The following KIRREL3 variants were observed in gnomAD, a reference collection of about 807,000 sequenced individuals.
KIRREL3 encodes the protein kirre like nephrin family adhesion molecule 3, also known as kin of IRRE-like protein 3.
KIRREL3 carries 36 observed loss-of-function variants against 89.7 expected under a neutral mutation model. The observed-to-expected ratio is 0.40, with a 90% CI of 0.31 to 0.53. KIRREL3 has a LOEUF of 0.53. Among genes scored for constraint, KIRREL3 ranks in the 20% least tolerant of loss-of-function variants. The pLI is 0.49. For synonymous variants in KIRREL3, 445 were observed against 441.4 expected (o/e 1.01, Z -0.10); for missense variants, 864 against 1,056.6 (o/e 0.82, Z 2.53).
In KIRREL3 at chr11:126,430,247, C is replaced by G. The variant is rs1157771412; in HGVS notation, c.1697-959G>C. ...ACCACTTGAGGCCAGGAGTTCGAGACCAGCCTGGGCAACATGGTGAAATCC... is the reference window on the plus strand; with the variant it reads ...ACCACTTGAGGCCAGGAGTTCGAGAGCAGCCTGGGCAACATGGTGAAATCC... On this transcript the variant is annotated intron_variant, in intron 14 of 16. Transcript: ENST00000525144. This position sits in a 1 kb window ranked among gnomAD's most constrained non-coding sequence, Gnocchi z 6.6. Among the ~76,000 whole-genome samples the G allele has an allele frequency of 6.6e-6, 1 of 152,010 alleles. No individual in the cohort carries two copies. Among genetic ancestry groups the G allele is most frequent in the East Asian group, 1.9e-4 (1 of 5,180 alleles).
rs572815543 is a variant in KIRREL3, at chr11:126,614,888, G to A, written c.56-51976C>T. Among the ~76,000 whole-genome samples, 6 of 152,256 alleles carry A rather than the reference G, an allele frequency of 3.9e-5. No individual in the cohort carries two copies. The South Asian group carries it at 1.2e-3, about 32-fold the overall frequency. ...GTGCTGAGAAGATGGATGAGCTGGG[G>A]CCGGTAAAATAGCTTTGTTCCTTGG... is the stretch of plus-strand genomic sequence containing the variant. On this transcript the variant is annotated intron_variant, in intron 1 of 16. Transcript: ENST00000525144. The surrounding 1 kb of genome is among the most constrained non-coding windows in gnomAD (Gnocchi z 4.6).
chr11:126,807,243 T>C lies in KIRREL3; in HGVS notation c.55+193212A>G, dbSNP rs1468290859. On this transcript the variant is annotated intron_variant, in intron 1 of 16. Transcript: ENST00000525144. This position sits in a 1 kb window ranked among gnomAD's most constrained non-coding sequence, Gnocchi z 4.3. The stretch of plus-strand genomic sequence containing the variant: ...TCTGACTCCCACTGATAAAATCCTA[T>C]ACTTCTAACAAAGAAATGTCATCTG... Among the ~76,000 whole-genome samples the C allele has an allele frequency of 6.6e-6, 1 of 152,212 alleles. No individual in the cohort carries two copies. The highest frequency in any genetic ancestry group is 1.5e-5 in the Non-Finnish European group (1 of 68,046).
chr11:126,627,577 C>T lies in KIRREL3; in HGVS notation c.56-64665G>A, dbSNP rs137993056. ...CCAGCTGCCATGTGGCCGATGTGTCCTACCGTGGTACATCATCTCCTAATT... is the reference window on the plus strand; with the variant it reads ...CCAGCTGCCATGTGGCCGATGTGTCTTACCGTGGTACATCATCTCCTAATT... On this transcript the variant is annotated intron_variant, in intron 1 of 16. Coordinates refer to ENST00000525144, the MANE Select transcript of KIRREL3 (RefSeq NM_032531.4). This position sits in a 1 kb window ranked among gnomAD's most constrained non-coding sequence, Gnocchi z 5.0. Among the ~76,000 whole-genome samples, 661 of 152,330 alleles carry T rather than the reference C, an allele frequency of 4.3e-3. 5 individuals are homozygous for T. The highest frequency in any genetic ancestry group is 0.015 in the African/African-American group (642 of 41,576).
Position 126,430,605 on chromosome 11 carries a change from C to T in KIRREL3, c.1696+814G>A, listed in dbSNP as rs768063353. ...TGCTTAGCTCGGAGTGCAGAAAATG[C>T]AAGGGGAACAGCTTTCTTCAAACAT... On this transcript the variant is annotated intron_variant, in intron 14 of 16. Coordinates refer to ENST00000525144, the MANE Select transcript of KIRREL3 (RefSeq NM_032531.4). The surrounding 1 kb of genome is among the most constrained non-coding windows in gnomAD (Gnocchi z 6.6). Among the ~76,000 whole-genome samples the T allele has an allele frequency of 2.0e-5, 3 of 152,134 alleles. No individual in the cohort carries two copies. The highest frequency in any genetic ancestry group is 2.9e-5 in the Non-Finnish European group (2 of 68,030).
Position 126,520,338 on chromosome 11 carries a change from C to T in KIRREL3, c.433+977G>A, listed in dbSNP as rs777729903. ...TGGCACAGACTCACGTGTAAGGGGGCAGCGAGGTGGGGCAGGTAGCCCTGG... is the reference window on the plus strand; with the variant it reads ...TGGCACAGACTCACGTGTAAGGGGGTAGCGAGGTGGGGCAGGTAGCCCTGG... On this transcript the variant is annotated intron_variant, in intron 4 of 16. Coordinates refer to ENST00000525144, the MANE Select transcript of KIRREL3 (RefSeq NM_032531.4). The surrounding 1 kb of genome is among the most constrained non-coding windows in gnomAD (Gnocchi z 4.9). Among the ~76,000 whole-genome samples, 3 of 152,160 alleles carry T rather than the reference C, an allele frequency of 2.0e-5. No individual in the cohort carries two copies. Among genetic ancestry groups the T allele is most frequent in the South Asian group, 2.1e-4 (1 of 4,828 alleles).
At position 126,428,055 on chromosome 11, in the gene KIRREL3, C is replaced by T. The variant is rs781496602; in HGVS notation, c.1806+1124G>A. Among the ~76,000 whole-genome samples, 1 of 152,138 alleles carries T rather than the reference C, an allele frequency of 6.6e-6. No individual in the cohort carries two copies. Among genetic ancestry groups the T allele is most frequent in the Non-Finnish European group, 1.5e-5 (1 of 68,034 alleles). ...GGCCTGTGTAAGGCTCCGAAGACCC[C>T]GGGATGAACACAGCAGCAGCTGCTC... is the stretch of plus-strand genomic sequence containing the variant. On this transcript the variant is annotated intron_variant, in intron 15 of 16. Coordinates refer to ENST00000525144, the MANE Select transcript of KIRREL3 (RefSeq NM_032531.4). This position sits in a 1 kb window ranked among gnomAD's most constrained non-coding sequence, Gnocchi z 6.4.
In KIRREL3 at chr11:126,535,498, C is replaced by T. The variant is rs887333440; in HGVS notation, c.134-8811G>A. 6.6e-6 allele frequency among the ~76,000 whole-genome samples: 1 copy of T among 152,098 alleles called. No individual in the cohort carries two copies. The highest frequency in any genetic ancestry group is 1.5e-5 in the Non-Finnish European group (1 of 68,028). On this transcript the variant is annotated intron_variant, in intron 2 of 16. Transcript: ENST00000525144. The surrounding 1 kb of genome is among the most constrained non-coding windows in gnomAD (Gnocchi z 4.5). ...TCCTGAGGGGGAAGAGTCATTTTGCCATGGAAGGCGCAGATTACAAGGGCC... is the reference window on the plus strand; with the variant it reads ...TCCTGAGGGGGAAGAGTCATTTTGCTATGGAAGGCGCAGATTACAAGGGCC...
chr11:126,585,851 C>T (rs1941822723), intron 1 of KIRREL3, among the ~76,000 whole-genome samples: 1 of 152,256 alleles, frequency 6.6e-6, no homozygotes, highest in Non-Finnish European at 1.5e-5. Flanking sequence ...ATCTGTGTGT[C>T]TTAAAGCTCC....
chr11:126,706,005 A>G (rs1387607158), intron 1 of KIRREL3, among the ~76,000 whole-genome samples: 1 of 152,232 alleles, frequency 6.6e-6, no homozygotes, highest in Non-Finnish European at 1.5e-5. Context: ...GGCCAAAAAC[A>G]TAAGTCAAGC....
Position 126,684,506 on chromosome 11 carries a change from A to G in KIRREL3, c.56-121594T>C, listed in dbSNP as rs1280404035. Among the ~76,000 whole-genome samples the G allele has an allele frequency of 1.3e-5, 2 of 152,224 alleles. No individual in the cohort carries two copies. The highest frequency in any genetic ancestry group is 2.9e-5 in the Non-Finnish European group (2 of 68,040). On this transcript the variant is annotated intron_variant, in intron 1 of 16. Coordinates refer to ENST00000525144, the MANE Select transcript of KIRREL3 (RefSeq NM_032531.4). This position sits in a 1 kb window ranked among gnomAD's most constrained non-coding sequence, Gnocchi z 4.2. ...TGTTAGGGAAACCACAGGTGTCCACAATGCCTGCCATGCTATGATTTCATC... is the reference window on the plus strand; with the variant it reads ...TGTTAGGGAAACCACAGGTGTCCACGATGCCTGCCATGCTATGATTTCATC...
chr11:126,792,260 T>C (rs992188083), intron 1 of KIRREL3, among the ~76,000 whole-genome samples: 3 of 152,226 alleles, frequency 2.0e-5, no homozygotes, highest in Admixed American at 2.0e-4. Flanking sequence ...CACCTCACAG[T>C]GTTGTTGTAA....
chr11:126,944,178 C>T (rs1948548289), intron 1 of KIRREL3: 1 of 152,204 alleles, frequency 6.6e-6, no homozygotes, highest in Non-Finnish European at 1.5e-5. Context: ...TATATCTCTC[C>T]ACCACTGTCC....
intron 2 of KIRREL3, among the ~76,000 whole-genome samples, chr11:126,529,171 T>C (rs1248467027): frequency 2.6e-5 from 4 of 151,658 alleles, no homozygotes; most frequent in African/African-American, 4.9e-5. Flanking sequence ...GCGCGGGAGG[T>C]ACTGGGTGAG....
chr11:126,487,577 G>T (rs569310600), intron 4 of KIRREL3, among the ~76,000 whole-genome samples: 4 of 152,162 alleles, frequency 2.6e-5, no homozygotes, highest in African/African-American at 4.8e-5. Flanking sequence ...ATCCTTTTCC[G>T]ACCTGAGCCT....
At chr11:126,863,424 T>TGCGTGAGTGC (rs1944781675) in intron 1 of KIRREL3, among the ~76,000 whole-genome samples, 14 of 7,232 alleles carry the variant, frequency 1.9e-3, no homozygotes, top group Admixed American at 6.7e-3. Context: ...TGTGAGCGCA[T>TGCGTGAGTGC]GTGTGTGAGT....
Position 126,565,645 on chromosome 11 carries a change from G to T in KIRREL3, c.56-2733C>A, listed in dbSNP as rs1287864283. On this transcript the variant is annotated intron_variant, in intron 1 of 16. Coordinates refer to ENST00000525144, the MANE Select transcript of KIRREL3 (RefSeq NM_032531.4). The surrounding 1 kb of genome is among the most constrained non-coding windows in gnomAD (Gnocchi z 5.4). The stretch of plus-strand genomic sequence containing the variant: ...GCAGGTTGGAGGATGAGTGAAGTGA[G>T]AATTAGTTAATTGTCCATATATGAA... Among the ~76,000 whole-genome samples the T allele has an allele frequency of 6.6e-6, 1 of 152,172 alleles. No homozygotes were observed. The highest frequency in any genetic ancestry group is 6.5e-5 in the Admixed American group (1 of 15,288).
intron 1 of KIRREL3, among the ~76,000 whole-genome samples, chr11:126,794,429 T>A (rs1244608811): frequency 6.6e-6 from 1 of 152,216 alleles, no homozygotes; most frequent in Non-Finnish European, 1.5e-5. Flanking sequence ...TCGTATAACC[T>A]TGGGTTTTTC....
In KIRREL3 at chr11:126,568,113, AG is replaced by A. The variant is rs1167169386; in HGVS notation, c.56-5202del. Among the ~76,000 whole-genome samples the A allele has an allele frequency of 1.3e-5, 2 of 152,144 alleles. 1 individual carries two copies. The highest frequency in any genetic ancestry group is 2.9e-5 in the Non-Finnish European group (2 of 68,010). On this transcript the variant is annotated intron_variant, in intron 1 of 16. Coordinates refer to ENST00000525144, the MANE Select transcript of KIRREL3 (RefSeq NM_032531.4). The surrounding 1 kb of genome is among the most constrained non-coding windows in gnomAD (Gnocchi z 4.6). ...GGCAGTTTGGTGTGGCTGTAGCAGA[AG>A]AAAAAAGATGAGACAGGAGATCTAG...
intron 6 of KIRREL3, 38 bp from the exon 7 acceptor site, chr11:126,456,492 G>C: frequency 7.4e-7 from 1 of 1,357,656 alleles, no homozygotes. Context: ...ACCGGAGAAA[G>C]AATGGGGGCA....
Sources: allele counts gnomAD v4.1 joint callset (sites outside exome capture counted in the v4.1 genomes callset), GRCh38; gene constraint gnomAD v4.1.1; non-coding constraint Gnocchi (gnomAD v3.1); transcripts MANE v1.5; gene names NCBI Gene and HGNC (gene_info 2026-07-23, HGNC 2026-07-21).